HSDL2: variants seen among roughly 807,000 people sequenced by gnomAD.
HSDL2 encodes the protein hydroxysteroid dehydrogenase like 2, also known as hydroxysteroid dehydrogenase-like protein 2.
In HSDL2, 27 loss-of-function variants were observed where a neutral mutation model predicts 46.3. That is an observed-to-expected ratio of 0.58 (90% CI 0.43 to 0.80). The LOEUF is 0.80. Among genes scored for constraint, HSDL2 ranks in the 30% least tolerant of loss-of-function variants. The probability of loss-of-function intolerance (pLI) is 0.00; values close to 1 mark genes in which losing one functional copy is unlikely to be tolerated. For synonymous variants in HSDL2, 153 were observed against 163.6 expected, an observed-to-expected ratio of 0.94 and a Z score of 0.50; for missense variants, 451 against 502.7, an observed-to-expected ratio of 0.90 and a Z score of 0.98.
chr9:112,469,065 T>C (rs958767209), intron 10 of HSDL2, among the ~76,000 whole-genome samples: 3 of 152,196 alleles, frequency 2.0e-5, no homozygotes, highest in African/African-American at 7.2e-5. Flanking sequence ...CCTTCATTTA[T>C]TATTTGTAAG....
At chr9:112,462,004 G>A (rs1833224353) in intron 10 of HSDL2, among the ~76,000 whole-genome samples, 1 of 152,114 alleles carries the variant, frequency 6.6e-6, no homozygotes, top group East Asian at 1.9e-4. Flanking sequence ...GGTTTAGATC[G>A]GGAGCAAGTG....
chr9:112,407,469 T>G (rs143427267), intron 3 of HSDL2, among the ~76,000 whole-genome samples: 3 of 152,280 alleles, frequency 2.0e-5, no homozygotes, highest in Non-Finnish European at 2.9e-5. Context: ...CAGACTGGTA[T>G]GTAGTGGCAT....
At chr9:112,393,304 G>A (rs1386590598) in intron 1 of HSDL2, among the ~76,000 whole-genome samples, 1 of 152,200 alleles carries the variant, frequency 6.6e-6, no homozygotes, top group Non-Finnish European at 1.5e-5. Flanking sequence ...TCCCTACCCA[G>A]CAGGTGTCCT....
intron 10 of HSDL2, among the ~76,000 whole-genome samples, chr9:112,461,098 C>T (rs10759568): frequency 0.54 from 80,803 of 150,642 alleles, 21,664 homozygotes; most frequent in South Asian, 0.6. Context: ...TTTTTTGAGA[C>T]GGAGTTTTGC....
intron 10 of HSDL2, among the ~76,000 whole-genome samples, chr9:112,464,678 CT>C (rs1833323972): frequency 6.6e-6 from 1 of 152,098 alleles, no homozygotes; most frequent in African/African-American, 2.4e-5. Context: ...ATGTCAATAG[CT>C]TTTTAAAAAC....
At chr9:112,437,629 G>T (rs1038625537) in intron 6 of HSDL2, among the ~76,000 whole-genome samples, 1 of 152,240 alleles carries the variant, frequency 6.6e-6, no homozygotes, top group Non-Finnish European at 1.5e-5. Flanking sequence ...TCTCTTCCCA[G>T]AGAAGGAGTC....
At chr9:112,421,220 G>A (rs544620392) in intron 6 of HSDL2, among the ~76,000 whole-genome samples, 10 of 152,222 alleles carry the variant, frequency 6.6e-5, no homozygotes, top group Admixed American at 2.6e-4. Context: ...ACAGCTTCTC[G>A]TGAGGCTAAG....
intron 4 of HSDL2, among the ~76,000 whole-genome samples, chr9:112,411,049 A>G (rs1246580717): frequency 6.6e-6 from 1 of 152,232 alleles, no homozygotes; most frequent in Non-Finnish European, 1.5e-5. Context: ...CCACATGGCA[A>G]TAGTTGCTGT....
Position 112,418,868 on chromosome 9 carries a change from A to G in HSDL2, c.508A>G (p.Ile170Val). The G allele has an allele frequency of 3.8e-6, 6 of 1,580,032 alleles. No individual in the cohort carries two copies. Among genetic ancestry groups the G allele is most frequent in the South Asian group, 1.1e-5 (1 of 89,064 alleles). The change falls in exon 6 of 11, where the codon ATT (isoleucine) becomes GTT (valine). Residue 170 changes from isoleucine to valine, a missense_variant. By Grantham distance (29) the Ile-to-Val change is conservative. Coordinates refer to ENST00000398805, the MANE Select transcript of HSDL2 (RefSeq NM_032303.5). The stretch of plus-strand genomic sequence containing the variant: ...TTTTGTGGTTCTTTCAGCTTATACC[A>G]TTGCTAAGTATGGTATGTCTATGTA... The part of the protein sequence containing the change: ...VWFKQHCAYT[I>V]AKYGMSMYVL...
intron 10 of HSDL2, among the ~76,000 whole-genome samples, chr9:112,460,456 T>G (rs1833170095): frequency 6.6e-6 from 1 of 152,146 alleles, no homozygotes; most frequent in Non-Finnish European, 1.5e-5. Context: ...ATATAAAAAT[T>G]AGAAAATATA....
intron 1 of HSDL2, among the ~76,000 whole-genome samples, chr9:112,391,598 T>C (rs1219857959): frequency 6.6e-6 from 1 of 152,036 alleles, no homozygotes. Flanking sequence ...AAAGTTAACC[T>C]TATTTATAGA....
At chr9:112,439,001 GTATTTATT>G (rs1456402068) in intron 7 of HSDL2, among the ~76,000 whole-genome samples, 1 of 152,084 alleles carries the variant, frequency 6.6e-6, no homozygotes, top group Non-Finnish European at 1.5e-5. Flanking sequence ...AGTGGGTTAT[GTATTTATT>G]TATTTATTTG....
intron 8 of HSDL2, among the ~76,000 whole-genome samples, chr9:112,445,036 G>A (rs1587959120): frequency 6.6e-6 from 1 of 151,700 alleles, no homozygotes; most frequent in Non-Finnish European, 1.5e-5. Context: ...ATGCCACCAC[G>A]TCCAGCTAAT....
At chr9:112,425,603 GCCTTTGAGCTTTCATAT>G (rs1432210509) in intron 6 of HSDL2, among the ~76,000 whole-genome samples, 1 of 115,570 alleles carries the variant, frequency 8.7e-6, no homozygotes, top group Non-Finnish European at 2.0e-5. Context: ...TTCTGTGAGA[GCCTTTGAGCTTTCATAT>G]TCTTGGTGTC....
chr9:112,381,188 ATTCT>A (rs149655883), intron 1 of HSDL2, among the ~76,000 whole-genome samples: 2,006 of 151,636 alleles, frequency 0.013, 45 homozygotes, highest in African/African-American at 0.046. Context: ...GTCTTGGGAC[ATTCT>A]TTCTTTGTTT....
chr9:112,463,759 CA>C (rs1241961361), intron 10 of HSDL2, among the ~76,000 whole-genome samples: 2 of 151,966 alleles, frequency 1.3e-5, no homozygotes, highest in Non-Finnish European at 2.9e-5. Flanking sequence ...CTCCTGGGTT[CA>C]AGCAATTCTC....
At chr9:112,427,087 C>T (rs1832266084) in intron 6 of HSDL2, among the ~76,000 whole-genome samples, 1 of 152,098 alleles carries the variant, frequency 6.6e-6, no homozygotes, top group Non-Finnish European at 1.5e-5. Flanking sequence ...CAGAGTCTCA[C>T]TCTGTCACCC....
In HSDL2 at chr9:112,459,413, T is replaced by A. The variant is rs777360661; in HGVS notation, c.1016-36T>A. The A allele has an allele frequency of 7.5e-6, 12 of 1,605,762 alleles. No individual in the cohort carries two copies. The African/African-American group carries it at 1.5e-4, about 20-fold the overall frequency. On this transcript the variant is annotated intron_variant, in intron 9 of 10. Coordinates refer to ENST00000398805, the MANE Select transcript of HSDL2 (RefSeq NM_032303.5). ...TATTAAATTTAAGAAGAACAGGGCT[T>A]CTATGACATTGATTTCTATATGTTT...
At position 112,454,171 on chromosome 9, in the gene HSDL2, T is replaced by A. The variant is rs764880400; in HGVS notation, c.1015+9T>A. The A allele has an allele frequency of 6.3e-7, 1 of 1,598,398 alleles. No individual in the cohort carries two copies. On this transcript the variant is annotated intron_variant, in intron 9 of 10. Coordinates refer to ENST00000398805, the MANE Select transcript of HSDL2 (RefSeq NM_032303.5). ...TCTGTTTGAACTCTCCGGTAAGGAC[T>A]GCATCTGGTAATCTGAAGTTTTTAT...
Sources: gnomAD v4.1 joint callset for allele counts (sites outside exome capture counted in the v4.1 genomes callset) on GRCh38, gnomAD v4.1.1 for gene constraint, MANE v1.5 for transcripts, NCBI Gene and HGNC (gene_info 2026-07-23, HGNC 2026-07-21) for gene names.